The following HOOK3 variants were observed in gnomAD, a reference collection of about 807,000 sequenced individuals.
HOOK3 encodes hook microtubule tethering protein 3.
In HOOK3, 24 loss-of-function variants were observed where a neutral mutation model predicts 116.3. The observed-to-expected ratio is 0.21, with a 90% CI of 0.15 to 0.29. The LOEUF (loss-of-function observed/expected upper bound fraction) is 0.29. Ranked by LOEUF, HOOK3 falls within the 10% of genes least tolerant of loss-of-function variation. The pLI is 1.00. For synonymous variants in HOOK3, 275 were observed against 283.0 expected (o/e 0.97, Z 0.28); for missense variants, 632 against 830.2 (o/e 0.76, Z 2.93).
In HOOK3 at chr8:42,979,210, T is replaced by C. The variant is rs1808887174; in HGVS notation, c.1322-3417T>C. On this transcript the variant is annotated intron_variant, in intron 13 of 21. Transcript: ENST00000307602. ...TCACTTGAGCCCAGGAGTTTGAGGT[T>C]ACAGTGAGCCAAAATTGTGCCGGTT... Among the ~76,000 whole-genome samples the C allele has an allele frequency of 3.3e-5, 5 of 152,154 alleles. No individual in the cohort carries two copies. In the South Asian group the frequency reaches 8.3e-4, roughly 25 times the overall value.
intron 13 of HOOK3, among the ~76,000 whole-genome samples, chr8:42,975,350 A>G (rs1170977218): frequency 6.6e-6 from 1 of 152,228 alleles, no homozygotes; most frequent in Non-Finnish European, 1.5e-5. Context: ...GTCTCTTGCC[A>G]TGGCCTCATT....
intron 2 of HOOK3, among the ~76,000 whole-genome samples, chr8:42,919,997 C>G (rs563380175): frequency 6.6e-6 from 1 of 151,224 alleles, no homozygotes; most frequent in African/African-American, 2.4e-5. Context: ...AGACAATATA[C>G]TTCTGGAATT....
intron 2 of HOOK3, among the ~76,000 whole-genome samples, chr8:42,917,701 T>G (rs1183753119): frequency 1.3e-5 from 2 of 152,186 alleles, no homozygotes; most frequent in Non-Finnish European, 2.9e-5. Context: ...TGGTTTTTGT[T>G]TTCAAAGTTC....
In HOOK3 at chr8:43,022,085, TA is replaced by T. The variant is rs35656895; in HGVS notation, c.*3607del. ...TGTTTAAAAACAAAACAGGCTGTTGTAAAAAAAAAAAAAAAAAAAACTTCTG... is the reference window on the plus strand; with the variant it reads ...TGTTTAAAAACAAAACAGGCTGTTGTAAAAAAAAAAAAAAAAAAACTTCTG... On this transcript the variant is annotated 3_prime_UTR_variant, in exon 22 of 22. Transcript: ENST00000307602. The T allele has an allele frequency of 0.033, 4,757 of 144,640 alleles. No homozygotes were observed. Among genetic ancestry groups the T allele is most frequent in the East Asian group, 0.11 (1,051 of 9,286 alleles). The allele number at this position is 144,640 out of a possible 1,614,324, so 9.0% of individuals were successfully genotyped here. A position where few individuals can be genotyped will look rare whatever the true frequency, so the allele number is the denominator to read the frequency against.
At chr8:42,981,109 T>A (rs1031584407) in intron 13 of HOOK3, among the ~76,000 whole-genome samples, 3 of 151,192 alleles carry the variant, frequency 2.0e-5, no homozygotes, top group Non-Finnish European at 4.4e-5. Flanking sequence ...TGGAGTGCAG[T>A]GGCACGATCT....
intron 8 of HOOK3, among the ~76,000 whole-genome samples, chr8:42,963,734 C>A (rs906352992): frequency 6.6e-6 from 1 of 152,072 alleles, no homozygotes; most frequent in Non-Finnish European, 1.5e-5. Flanking sequence ...TTTGCATTTC[C>A]TTGATAACTA....
chr8:42,917,956 A>G (rs191336389), intron 2 of HOOK3, among the ~76,000 whole-genome samples: 2 of 152,344 alleles, frequency 1.3e-5, no homozygotes, highest in Admixed American at 1.3e-4. Context: ...TTAAATGATT[A>G]TTAGGAAATA....
intron 15 of HOOK3, among the ~76,000 whole-genome samples, chr8:42,993,004 GA>G (rs1809196952): frequency 6.6e-6 from 1 of 151,982 alleles, no homozygotes; most frequent in Non-Finnish European, 1.5e-5. Flanking sequence ...AGTTTTTTGA[GA>G]GTTTTTATCA....
chr8:43,011,904 A>C (rs1195771722), intron 19 of HOOK3, among the ~76,000 whole-genome samples: 1 of 152,076 alleles, frequency 6.6e-6, no homozygotes, highest in East Asian at 1.9e-4. Flanking sequence ...ACTAAATAAA[A>C]ATATTGGGTG....
intron 15 of HOOK3, among the ~76,000 whole-genome samples, chr8:42,995,969 C>G (rs1045116703): frequency 6.6e-6 from 1 of 152,188 alleles, no homozygotes; most frequent in Admixed American, 6.5e-5. Flanking sequence ...ATCTGTCTGA[C>G]ATACTACCTG....
intron 14 of HOOK3, among the ~76,000 whole-genome samples, chr8:42,984,374 A>G (rs903486219): frequency 2.6e-5 from 4 of 152,032 alleles, no homozygotes; most frequent in Non-Finnish European, 4.4e-5. Flanking sequence ...ATCTCAAAAA[A>G]AAAAAAAATA....
chr8:42,974,220 CA>C (rs746634234), intron 13 of HOOK3, 26 bp downstream of exon 13: 1 of 1,519,014 alleles, frequency 6.6e-7, no homozygotes, highest in African/African-American at 1.4e-5. Flanking sequence ...GAGTACAAAC[CA>C]GATGATTTCT....
chr8:43,008,572 GTC>G (rs897518631), intron 18 of HOOK3, among the ~76,000 whole-genome samples: 47 of 152,108 alleles, frequency 3.1e-4, no homozygotes, highest in African/African-American at 1.1e-3. Context: ...GCCCACCTCA[GTC>G]TCCCAAAGTA....
At chr8:42,985,142 C>A (rs1208137727) in intron 14 of HOOK3, among the ~76,000 whole-genome samples, 1 of 152,118 alleles carries the variant, frequency 6.6e-6, no homozygotes, top group Non-Finnish European at 1.5e-5. Flanking sequence ...AGTGGTACAA[C>A]CTTTCTTTTG....
intron 17 of HOOK3, among the ~76,000 whole-genome samples, chr8:43,002,475 T>G (rs1159580626): frequency 6.6e-6 from 1 of 152,178 alleles, no homozygotes; most frequent in Non-Finnish European, 1.5e-5. Context: ...TGAAAGCTGG[T>G]CTCTGTCACA....
chr8:42,957,635 A>G (rs895216575), intron 7 of HOOK3, among the ~76,000 whole-genome samples: 2 of 152,166 alleles, frequency 1.3e-5, no homozygotes, highest in Non-Finnish European at 2.9e-5. Context: ...TATGGTTTGT[A>G]TATAATGCAA....
At chr8:43,005,214 A>ATAATTTTTTT (rs1809459430) in intron 17 of HOOK3, among the ~76,000 whole-genome samples, 13 of 63,174 alleles carry the variant, frequency 2.1e-4, no homozygotes, top group African/African-American at 2.6e-4. Flanking sequence ...TATATATATA[A>ATAATTTTTTT]TTTTTTTTTT....
rs1586637652 is a variant in HOOK3 at position 43,019,897 on chromosome 8, G to A, written c.*1399G>A. ...GTCATGGTTTTTTTGTTTATTTTTA[G>A]GTTAGGTCACTTAATATAGGAGGAT... On this transcript the variant is annotated 3_prime_UTR_variant, in exon 22 of 22. Coordinates refer to ENST00000307602, the MANE Select transcript of HOOK3 (RefSeq NM_032410.4). 2 of 202,580 alleles carry A rather than the reference G, an allele frequency of 9.9e-6. No individual in the cohort carries two copies. Among genetic ancestry groups the A allele is most frequent in the East Asian group, 1.5e-4 (2 of 12,992 alleles). 12.5% of individuals were successfully genotyped at this position (202,580 alleles called of 1,614,324 possible).
intron 15 of HOOK3, among the ~76,000 whole-genome samples, chr8:42,993,378 A>T (rs1809204020): frequency 1.3e-5 from 2 of 152,158 alleles, no homozygotes; most frequent in African/African-American, 4.8e-5. Context: ...AACTCTTGAC[A>T]TCAGGTGATC....
Sources: gnomAD v4.1 joint callset for allele counts (sites outside exome capture counted in the v4.1 genomes callset) on GRCh38, gnomAD v4.1.1 for gene constraint, MANE v1.5 for transcripts, NCBI Gene and HGNC (gene_info 2026-07-23, HGNC 2026-07-21) for gene names.